The following DDO variants were observed in gnomAD, a reference collection of about 807,000 sequenced individuals.
DDO encodes the protein D-aspartate oxidase, DDO.
In DDO, 16 loss-of-function variants were observed where a neutral mutation model predicts 16.8. The ratio of observed to expected loss-of-function variants is 0.95; its 90% CI spans 0.65 to 1.45. DDO has a LOEUF of 1.45. Among genes scored for constraint, DDO ranks in the 40% most tolerant of loss-of-function variants. The pLI is 0.00. For synonymous variants in DDO, 180 were observed against 167.2 expected (o/e 1.08, Z -0.59); for missense variants, 429 against 420.3 (o/e 1.02, Z -0.18).
intron 2 of DDO, 93 bp from the exon 3 acceptor site, chr6:110,408,535 A>T: frequency 8.7e-7 from 1 of 1,150,540 alleles, no homozygotes; most frequent in Non-Finnish European, 1.2e-6. Context: ...ACTTGGAAAA[A>T]AAATAAGGAG....
intron 4 of DDO, among the ~76,000 whole-genome samples, chr6:110,398,249 C>T (rs1773349424): frequency 6.6e-6 from 1 of 152,172 alleles, no homozygotes; most frequent in Non-Finnish European, 1.5e-5. Flanking sequence ...CTGCATCAAC[C>T]TGACCCACAA....
chr6:110,413,969 T>C (rs1367455958), intron 1 of DDO, among the ~76,000 whole-genome samples: 2 of 152,224 alleles, frequency 1.3e-5, no homozygotes, highest in Non-Finnish European at 2.9e-5. Flanking sequence ...AGATAGGGTT[T>C]CAGCATGTTG....
intron 4 of DDO, among the ~76,000 whole-genome samples, chr6:110,401,961 A>G (rs1773499354): frequency 6.6e-6 from 1 of 152,240 alleles, no homozygotes. Flanking sequence ...TCCTCCTGCT[A>G]TGATGCAATA....
chr6:110,411,943 T>C (rs1186453323), intron 2 of DDO, among the ~76,000 whole-genome samples: 2 of 152,158 alleles, frequency 1.3e-5, no homozygotes, highest in East Asian at 1.9e-4. Context: ...AAAGGACGCA[T>C]GGACATGTTC....
intron 2 of DDO, among the ~76,000 whole-genome samples, chr6:110,410,857 G>A (rs1773831590): frequency 6.6e-6 from 1 of 152,090 alleles, no homozygotes; most frequent in South Asian, 2.1e-4. Flanking sequence ...TTGTTTCCTG[G>A]GAGGCAGTTC....
At chr6:110,398,399 C>G (rs1244658507) in intron 4 of DDO, among the ~76,000 whole-genome samples, 1 of 74,748 alleles carries the variant, frequency 1.3e-5, no homozygotes, top group Non-Finnish European at 2.9e-5. Flanking sequence ...CACACACACA[C>G]ACACACACAC....
intron 1 of DDO, among the ~76,000 whole-genome samples, chr6:110,414,168 G>T (rs1773963316): frequency 6.6e-6 from 1 of 152,188 alleles, no homozygotes; most frequent in Non-Finnish European, 1.5e-5. Flanking sequence ...AGAACTACCT[G>T]AGGAGCAGTG....
At chr6:110,413,785 T>TC (rs781402708) in intron 1 of DDO, among the ~76,000 whole-genome samples, 2 of 152,072 alleles carry the variant, frequency 1.3e-5, no homozygotes, top group East Asian at 3.9e-4. Flanking sequence ...CCCTTTTTTT[T>TC]CCCCCTGAAA....
intron 3 of DDO, among the ~76,000 whole-genome samples, chr6:110,405,246 C>T (rs1773614174): frequency 6.6e-6 from 1 of 152,182 alleles, no homozygotes; most frequent in Non-Finnish European, 1.5e-5. Flanking sequence ...CTATGTTGCC[C>T]AGGCTGGTCT....
downstream of DDO, among the ~76,000 whole-genome samples, chr6:110,388,369 C>G (rs1440499733): frequency 6.6e-6 from 1 of 152,148 alleles, no homozygotes; most frequent in Non-Finnish European, 1.5e-5. Flanking sequence ...TTACGAAAGT[C>G]CTGAAACAGG....
At chr6:110,401,567 A>AT (rs1257904556) in intron 4 of DDO, among the ~76,000 whole-genome samples, 1 of 152,120 alleles carries the variant, frequency 6.6e-6, no homozygotes, top group Non-Finnish European at 1.5e-5. Flanking sequence ...CATCAAAATG[A>AT]TGGGGGGGAT....
intron 4 of DDO, among the ~76,000 whole-genome samples, chr6:110,396,131 G>A (rs1000136346): frequency 6.6e-6 from 1 of 152,208 alleles, no homozygotes; most frequent in African/African-American, 2.4e-5. Flanking sequence ...GACCCCAATA[G>A]CTCAGCTTCC....
intron 4 of DDO, 52 bp from the exon 5 acceptor site, chr6:110,393,394 C>T (rs762735696): frequency 4.7e-6 from 7 of 1,500,196 alleles, no homozygotes; most frequent in Non-Finnish European, 6.2e-6. Context: ...TGATCAACTA[C>T]TTCCAGGAAA....
At chr6:110,413,233 A>C in intron 2 of DDO, 58 bp downstream of exon 2, 2 of 1,568,942 alleles carry the variant, frequency 1.3e-6, no homozygotes, top group Non-Finnish European at 1.7e-6. Context: ...ATAGAATTCC[A>C]CTAACATCAT....
Position 110,391,811 on chromosome 6 carries a change from A to G in DDO, c.*964T>C, listed in dbSNP as rs537504219. The G allele has an allele frequency of 6.6e-6, 1 of 152,326 alleles. No individual in the cohort carries two copies. Among genetic ancestry groups the G allele is most frequent in the African/African-American group, 2.4e-5 (1 of 41,564 alleles). The allele number at this position is 152,326 out of a possible 1,614,324, so 9.4% of individuals were successfully genotyped here. On this transcript the variant is annotated 3_prime_UTR_variant, in exon 5 of 5. Coordinates refer to ENST00000368924, the MANE Select transcript of DDO (RefSeq NM_001372108.2). ...TAACTCAACAATTCCAACTCATTTTATTGTGAGACACATTCCCCTCCTCCC... is the reference window on the plus strand; with the variant it reads ...TAACTCAACAATTCCAACTCATTTTGTTGTGAGACACATTCCCCTCCTCCC...
At position 110,413,300 on chromosome 6, in the gene DDO, T is replaced by TGTGA; in HGVS notation, c.159_162dup (p.Thr55SerfsTer20). 3 of 1,614,010 alleles carry TGTGA rather than the reference T, an allele frequency of 1.9e-6. No individual in the cohort carries two copies. Among genetic ancestry groups the TGTGA allele is most frequent in the Non-Finnish European group, 2.5e-6 (3 of 1,179,952 alleles). ...AGCTGAAATCTCTCACCTGGATAAG[T>TGTGA]GTGAGGAATAAGCATTCCGGCTGCC... On this transcript the variant is annotated frameshift_variant, in exon 2 of 5. Coordinates refer to ENST00000368924, the MANE Select transcript of DDO (RefSeq NM_001372108.2). LOFTEE classifies it high-confidence loss of function.
downstream of DDO, among the ~76,000 whole-genome samples, chr6:110,390,175 C>T (rs1028239917): frequency 5.9e-5 from 9 of 152,000 alleles, no homozygotes; most frequent in African/African-American, 7.2e-5. Flanking sequence ...CCCAAGATGG[C>T]GAGGAAGGAA....
At chr6:110,396,011 A>G (rs1773278040) in intron 4 of DDO, among the ~76,000 whole-genome samples, 1 of 152,228 alleles carries the variant, frequency 6.6e-6, no homozygotes, top group African/African-American at 2.4e-5. Context: ...CCTAGGAGAC[A>G]GAGCAAGACA....
At chr6:110,413,660 A>C (rs971557754) in intron 1 of DDO, among the ~76,000 whole-genome samples, 194 bp from the exon 2 acceptor site, 2 of 152,258 alleles carry the variant, frequency 1.3e-5, no homozygotes, top group Admixed American at 6.5e-5. Flanking sequence ...ATAAGCAACA[A>C]GATCTCCATG....
Sources: gnomAD v4.1 joint callset for allele counts (sites outside exome capture counted in the v4.1 genomes callset) on GRCh38, gnomAD v4.1.1 for gene constraint, MANE v1.5 for transcripts, NCBI Gene and HGNC (gene_info 2026-07-23, HGNC 2026-07-21) for gene names.